The following DAG1 variants were observed in gnomAD, a reference collection of about 807,000 sequenced individuals.
DAG1 encodes the protein dystroglycan 1, also known as dystroglycan 1 (dystrophin-associated glycoprotein 1).
A neutral mutation model predicts 46.1 loss-of-function variants in DAG1; 8 were observed. That is an observed-to-expected ratio of 0.17 (90% CI 0.10 to 0.31). DAG1 has a LOEUF of 0.31. Ranked by LOEUF, DAG1 falls within the 10% of genes least tolerant of loss-of-function variation. The pLI, the probability that DAG1 is intolerant of heterozygous loss-of-function variation, is 1.00. For missense variants in DAG1, 1,003 were observed against 1,189.9 expected, an observed-to-expected ratio of 0.84 and a Z score of 2.31; for synonymous variants, 495 against 481.8, an observed-to-expected ratio of 1.03 and a Z score of -0.36.
intron 1 of DAG1, among the ~76,000 whole-genome samples, chr3:49,508,271 A>G (rs11130201): frequency 0.98 from 143,562 of 147,046 alleles, 70,191 homozygotes; most frequent in Middle Eastern, 1. Context: ...GTGCATTCTC[A>G]GCTCACTTCA....
intron 1 of DAG1, among the ~76,000 whole-genome samples, chr3:49,471,888 G>T: frequency 6.6e-6 from 1 of 152,158 alleles, no homozygotes; most frequent in Non-Finnish European, 1.5e-5. Flanking sequence ...GTGTCTGCCC[G>T]CTAAGCGTGC....
At chr3:49,490,529 A>G (rs562331560) in intron 1 of DAG1, among the ~76,000 whole-genome samples, 1 of 151,528 alleles carries the variant, frequency 6.6e-6, no homozygotes, top group South Asian at 2.1e-4. Flanking sequence ...TCTATGAGTA[A>G]TTGACAGAAA....
chr3:49,496,577 G>A (rs568113191), intron 1 of DAG1, among the ~76,000 whole-genome samples: 13 of 151,824 alleles, frequency 8.6e-5, no homozygotes, highest in African/African-American at 3.1e-4. Context: ...GGCCAGGCTG[G>A]TCTTGAACTC....
intron 2 of DAG1, among the ~76,000 whole-genome samples, chr3:49,514,997 C>A (rs893352774): frequency 6.6e-6 from 1 of 152,196 alleles, no homozygotes; most frequent in African/African-American, 2.4e-5. Context: ...ATAGCTGGGA[C>A]TACAGGCATG....
chr3:49,512,542 C>T (rs1035203085), intron 2 of DAG1, among the ~76,000 whole-genome samples: 3 of 151,770 alleles, frequency 2.0e-5, no homozygotes, highest in Non-Finnish European at 4.4e-5. Flanking sequence ...CAGGTGCGCA[C>T]CACCATGCCC....
intron 2 of DAG1, among the ~76,000 whole-genome samples, chr3:49,528,203 GTTTTA>G (rs1042345142): frequency 6.9e-6 from 1 of 145,242 alleles, no homozygotes; most frequent in African/African-American, 2.6e-5. Flanking sequence ...GGATGTGGCA[GTTTTA>G]TTTAATATAA....
chr3:49,478,130 G>T (rs1406318770), intron 1 of DAG1, among the ~76,000 whole-genome samples: 1 of 151,734 alleles, frequency 6.6e-6, no homozygotes, highest in Non-Finnish European at 1.5e-5. Flanking sequence ...AGCCAGGCGT[G>T]GTGGTGTGCG....
In DAG1 at chr3:49,532,529, A is replaced by G. The variant is rs1433049354; in HGVS notation, c.2018A>G (p.Gln673Arg). 1.2e-6 allele frequency: 2 copies of G among 1,613,962 alleles called. No homozygotes were observed. ...TLPLEPCPKE[Q>R]IAGLSRRIAE... ...CCCTTGGAGCCCTGCCCCAAGGAGC[A>G]GATCGCTGGGCTGAGCCGCCGGATC... The change falls in exon 3 of 3, where the codon CAG becomes CGG. Residue 673 changes from glutamine (Q) to arginine (R), a missense_variant. Physicochemically the swap from Gln to Arg is conservative, Grantham distance 43. Coordinates refer to ENST00000308775, the MANE Select transcript of DAG1 (RefSeq NM_004393.6). The surrounding 1 kb of genome is among the most constrained non-coding windows in gnomAD (Gnocchi z 5.4).
At chr3:49,510,845 G>C in intron 2 of DAG1, 26 bp downstream of exon 2, 2 of 1,613,300 alleles carry the variant, frequency 1.2e-6, no homozygotes, top group Non-Finnish European at 1.7e-6. Context: ...AAGCATAAAT[G>C]AGGAAGAGTT....
At position 49,531,398 on chromosome 3, in the gene DAG1, G is replaced by T; in HGVS notation, c.887G>T (p.Gly296Val). The change falls in exon 3 of 3, where the codon GGT (glycine) becomes GTT (valine). Residue 296 changes from glycine (G) to valine (V), a missense_variant. Coordinates refer to ENST00000308775, the MANE Select transcript of DAG1 (RefSeq NM_004393.6). This position sits in a 1 kb window ranked among gnomAD's most constrained non-coding sequence, Gnocchi z 7.0. Reference sequence around the variant, plus strand: ...GCTCAGCTTGGCTACCCTGTGGTGGGTTGGCACATCGCCAATAAGAAGCCC... The same window carrying T: ...GCTCAGCTTGGCTACCCTGTGGTGGTTTGGCACATCGCCAATAAGAAGCCC... The part of the protein sequence containing the change: ...MSAQLGYPVV[G>V]WHIANKKPPL... The T allele has an allele frequency of 6.2e-7, 1 of 1,614,116 alleles. No homozygotes were observed. The highest frequency in any genetic ancestry group is 1.1e-5 in the South Asian group (1 of 91,088).
chr3:49,529,707 C>T (rs761402088), intron 2 of DAG1, among the ~76,000 whole-genome samples: 1 of 152,122 alleles, frequency 6.6e-6, no homozygotes, highest in African/African-American at 2.4e-5. Flanking sequence ...GCCTTCAGGC[C>T]AACCAGAGAA....
chr3:49,513,706 G>A (rs2050821708), intron 2 of DAG1, among the ~76,000 whole-genome samples: 1 of 152,162 alleles, frequency 6.6e-6, no homozygotes, highest in African/African-American at 2.4e-5. Context: ...GGCCCATGTA[G>A]CAGCTCACAT....
chr3:49,479,339 T>A (rs576668770), intron 1 of DAG1, among the ~76,000 whole-genome samples: 4 of 150,738 alleles, frequency 2.7e-5, no homozygotes, highest in Non-Finnish European at 4.4e-5. Flanking sequence ...AGACAGAGTC[T>A]CTCTCTGTTG....
chr3:49,487,885 A>G (rs760782546), intron 1 of DAG1, among the ~76,000 whole-genome samples: 39 of 151,526 alleles, frequency 2.6e-4, no homozygotes, highest in Non-Finnish European at 4.9e-4. Flanking sequence ...TGTGTTTTTC[A>G]TAGAGACGGG....
At chr3:49,494,002 A>G (rs961036776) in intron 1 of DAG1, among the ~76,000 whole-genome samples, 7 of 152,206 alleles carry the variant, frequency 4.6e-5, no homozygotes, top group African/African-American at 1.4e-4. Flanking sequence ...AGCTGTGGCA[A>G]GGCTGAAGCA....
intron 2 of DAG1, among the ~76,000 whole-genome samples, chr3:49,520,325 C>A (rs969912452): frequency 1.3e-5 from 2 of 152,224 alleles, no homozygotes; most frequent in Middle Eastern, 3.2e-3. Flanking sequence ...AAGGCTGATA[C>A]TCCATCAGAG....
At chr3:49,497,407 A>C (rs1432504453) in intron 1 of DAG1, among the ~76,000 whole-genome samples, 2 of 148,532 alleles carry the variant, frequency 1.3e-5, no homozygotes, top group African/African-American at 5.0e-5. Context: ...GATGCACTCC[A>C]GCCTGGGTGA....
intron 1 of DAG1, among the ~76,000 whole-genome samples, chr3:49,490,316 G>GCCC (rs1236751323): frequency 1.3e-5 from 2 of 151,074 alleles, no homozygotes; most frequent in Non-Finnish European, 1.5e-5. Flanking sequence ...TCGCGCCACT[G>GCCC]CCCTCTAGCC....
At chr3:49,479,263 C>T (rs995055172) in intron 1 of DAG1, among the ~76,000 whole-genome samples, 2 of 151,844 alleles carry the variant, frequency 1.3e-5, no homozygotes, top group South Asian at 2.1e-4. Flanking sequence ...TTCCTGGGGT[C>T]TCCTCCAGAG....
Sources: allele counts gnomAD v4.1 joint callset (sites outside exome capture counted in the v4.1 genomes callset), GRCh38; gene constraint gnomAD v4.1.1; non-coding constraint Gnocchi (gnomAD v3.1); transcripts MANE v1.5; gene names NCBI Gene and HGNC (gene_info 2026-07-23, HGNC 2026-07-21).